Variants in ADCY7 observed in about 807,000 individuals in gnomAD.
ADCY7 encodes adenylate cyclase type 7.
Under a neutral mutation model 120.6 loss-of-function variants are expected in ADCY7, and 72 were observed. The observed-to-expected ratio is 0.60, with a 90% CI of 0.49 to 0.73. The LOEUF is 0.73. Ranked by LOEUF, ADCY7 falls within the 30% of genes least tolerant of loss-of-function variation. The probability of loss-of-function intolerance (pLI) is 0.00; values close to 1 mark genes in which losing one functional copy is unlikely to be tolerated. For missense variants in ADCY7, 1,227 were observed against 1,486.0 expected (o/e 0.83, Z 2.87); for synonymous variants, 661 against 628.0 (o/e 1.05, Z -0.78).
At chr16:50,290,317 G>A (rs2150957225) in intron 2 of ADCY7, 140 bp from the exon 3 acceptor site, 1 of 872,886 alleles carries the variant, frequency 1.1e-6, no homozygotes, top group East Asian at 2.7e-5. Context: ...AGGTGAGTGG[G>A]AACCAGGTGT....
At chr16:50,311,672 T>C in intron 19 of ADCY7, 21 bp from the exon 20 acceptor site, 4 of 1,579,952 alleles carry the variant, frequency 2.5e-6, no homozygotes, top group Non-Finnish European at 3.5e-6. Context: ...GGGAGTGACT[T>C]GGGCCTCCCT....
chr16:50,311,944 C>T (rs867203291), intron 20 of ADCY7, 92 bp from the exon 21 acceptor site: 74 of 1,561,522 alleles, frequency 4.7e-5, no homozygotes, highest in Middle Eastern at 1.7e-4. Context: ...GCTCCAAGGA[C>T]GCCAGGGACA....
rs61737938 is a variant in ADCY7 at position 50,315,415 on chromosome 16, T to C, written c.3153T>C (p.Arg1051=). ...LQGLGYSCEC[R]GLINVKGKGE... is the part of the protein sequence containing the mutation. ...GCCTCGGGTACTCTTGTGAATGCCG[T>C]GGCCTGATCAACGTCAAAGGCAAAG... The change falls in exon 26 of 26, where the codon CGT becomes CGC. Residue 1051 remains arginine (R), a synonymous_variant. Transcript: ENST00000673801. 3,415 of 1,614,156 alleles carry C rather than the reference T, an allele frequency of 2.1e-3. 76 individuals carry two copies. The African/African-American group carries it at 0.04, about 19-fold the overall frequency.
At position 50,318,077 on chromosome 16, in the gene ADCY7, T is replaced by TAA. The variant is rs1385358676; in HGVS notation, c.*2574_*2575dup. The TAA allele has an allele frequency of 6.6e-6, 1 of 152,338 alleles. No individual in the cohort carries two copies. Among genetic ancestry groups the TAA allele is most frequent in the Admixed American group, 6.5e-5 (1 of 15,286 alleles). 9.4% of individuals were successfully genotyped at this position (152,338 alleles called of 1,614,324 possible). Reference sequence around the variant, plus strand: ...GTTTCAAAATGCTGTTTCATTTTTATAAAGTACCAGTGTTTAGCTGCTTTT... The same window carrying TAA: ...GTTTCAAAATGCTGTTTCATTTTTATAAAAAGTACCAGTGTTTAGCTGCTTTT... On this transcript the variant is annotated 3_prime_UTR_variant, in exon 26 of 26. Coordinates refer to ENST00000673801, the MANE Select transcript of ADCY7 (RefSeq NM_001114.5).
At chr16:50,312,402 C>A (rs1050899574) in intron 21 of ADCY7, among the ~76,000 whole-genome samples, 1 of 152,214 alleles carries the variant, frequency 6.6e-6, no homozygotes, top group Non-Finnish European at 1.5e-5. Flanking sequence ...GTGAACAAGG[C>A]ACCTTGCTTT....
rs1477519018 is a variant in ADCY7, at chr16:50,300,820, G to A, written c.1182G>A (p.Val394=). 6.4e-7 allele frequency: 1 copy of A among 1,557,342 alleles called. No individual in the cohort carries two copies. ...GGCTGCGCAAGTGGCAGTATGACGT[G>A]TGGTCCCACGACGTGTCCCTGGCCA... The part of the protein sequence containing the change: ...VIGLRKWQYD[V]WSHDVSLANR... The change falls in exon 9 of 26, where the codon GTG becomes GTA. Residue 394 remains valine, a synonymous_variant. Coordinates refer to ENST00000673801, the MANE Select transcript of ADCY7 (RefSeq NM_001114.5).
rs769272101 is a variant in ADCY7 at position 50,309,610 on chromosome 16, G to A, written c.2124G>A (p.Ala708=). The A allele has an allele frequency of 3.0e-5, 48 of 1,612,586 alleles. No homozygotes were observed. The highest frequency in any genetic ancestry group is 7.7e-5 in the South Asian group (7 of 91,078). The change falls in exon 18 of 26, where the codon GCG becomes GCA. Residue 708 remains alanine (A), a synonymous_variant. Transcript: ENST00000673801. The part of the protein sequence containing the change: ...PVGNETGLLA[A]SSKTRALCEP... ...GCAATGAGACAGGCCTACTGGCCGC[G>A]AGCAGCAAGACAAGAGCCCTGTGTG...
chr16:50,312,770 C>G, intron 21 of ADCY7, 120 bp from the exon 22 acceptor site: 2 of 844,846 alleles, frequency 2.4e-6, no homozygotes, highest in Non-Finnish European at 3.5e-6. Flanking sequence ...CCGCCCCCCT[C>G]CCCACTCCCC....
chr16:50,264,985 T>C (rs2033159209), upstream of ADCY7, among the ~76,000 whole-genome samples: 1 of 151,972 alleles, frequency 6.6e-6, no homozygotes, highest in South Asian at 2.1e-4. Flanking sequence ...TACAGGCTCA[T>C]GCCACCACGC....
chr16:50,312,963 C>T lies in ADCY7; in HGVS notation c.2678C>T (p.Thr893Ile). ...ASVPDFKVFY[T>I]ECDVNKEGLE... ...GTGCCGGACTTCAAAGTGTTCTACA[C>T]AGAGTGCGATGTCAACAAAGAAGGG... Residue 893 changes from threonine to isoleucine, a missense_variant, in exon 22 of 26, where the codon ACA becomes ATA. Around this residue, in one of 5 missense-constraint regions of ADCY7, gnomAD observed 244 missense variants for 332.8 expected, o/e 0.73. Transcript: ENST00000673801. 9 of 1,614,246 alleles carry T rather than the reference C, an allele frequency of 5.6e-6. No homozygotes were observed. Among genetic ancestry groups the T allele is most frequent in the Non-Finnish European group, 7.6e-6 (9 of 1,180,048 alleles).
At chr16:50,310,465 T>C in intron 18 of ADCY7, 1 of 1,536,310 alleles carries the variant, frequency 6.5e-7, no homozygotes, top group Non-Finnish European at 8.7e-7. Context: ...ACCTGCATAC[T>C]GTTTTTTCCC....
intron 16 of ADCY7, 126 bp downstream of exon 16, chr16:50,308,537 C>T: frequency 6.4e-7 from 1 of 1,555,648 alleles, no homozygotes; most frequent in Non-Finnish European, 8.7e-7. Context: ...GCCCATCTCT[C>T]CTGCCTCGGG....
intron 7 of ADCY7, among the ~76,000 whole-genome samples, chr16:50,296,646 G>C (rs1360405977): frequency 6.6e-6 from 1 of 152,106 alleles, no homozygotes; most frequent in Non-Finnish European, 1.5e-5. Context: ...GTGAGCCACT[G>C]CGCCTGGCCA....
intron 2 of ADCY7, 62 bp from the exon 3 acceptor site, chr16:50,290,395 C>T: frequency 1.3e-6 from 2 of 1,590,520 alleles, no homozygotes; most frequent in Admixed American, 1.7e-5. Flanking sequence ...GGCAGGCTTT[C>T]TGGAGGAGGT....
chr16:50,314,940 T>C, intron 24 of ADCY7, 74 bp from the exon 25 acceptor site: 1 of 1,581,042 alleles, frequency 6.3e-7, no homozygotes, highest in Non-Finnish European at 8.6e-7. Context: ...GGGTATGGAT[T>C]CTCTGGCCTC....
At position 50,298,952 on chromosome 16, in the gene ADCY7, G is replaced by C. The variant is rs1326974275; in HGVS notation, c.997G>C (p.Val333Leu). 1 of 1,613,808 alleles carries C rather than the reference G, an allele frequency of 6.2e-7. No homozygotes were observed. Among genetic ancestry groups the C allele is most frequent in the Non-Finnish European group, 8.5e-7 (1 of 1,180,040 alleles). ...IKILGDCYYCVSGLPVSLPTH... is the reference protein window; with the variant it reads ...IKILGDCYYCLSGLPVSLPTH... ...GATCCTCGGCGACTGCTACTACTGT[G>C]TATCGGGCCTGCCCGTGTCGCTGCC... Residue 333 changes from valine to leucine, a missense_variant, in exon 8 of 26, where the codon GTA becomes CTA. By Grantham distance (32) the Val-to-Leu change is conservative (BLOSUM62 1). This residue lies in a region of ADCY7 where 332 missense variants were observed against 455.8 expected (regional missense o/e 0.73). Coordinates refer to ENST00000673801, the MANE Select transcript of ADCY7 (RefSeq NM_001114.5).
intron 1 of ADCY7, among the ~76,000 whole-genome samples, chr16:50,272,822 A>G (rs1442312179): frequency 1.3e-5 from 2 of 151,684 alleles, no homozygotes; most frequent in East Asian, 1.9e-4. Flanking sequence ...TGTCTCCGGT[A>G]CCCCCTCTGG....
At chr16:50,255,153 C>T (rs957478258) in intron 1 of ADCY7, among the ~76,000 whole-genome samples, 4 of 148,098 alleles carry the variant, frequency 2.7e-5, no homozygotes, top group African/African-American at 5.0e-5. Flanking sequence ...AAAAATTTGC[C>T]GAGTGTGGTG....
chr16:50,310,615 G>A (rs2036393914), intron 18 of ADCY7, 72 bp from the exon 19 acceptor site: 1 of 1,604,132 alleles, frequency 6.2e-7, no homozygotes, highest in Non-Finnish European at 8.5e-7. Flanking sequence ...GGGGCTCTGT[G>A]GTATGTGCTG....
Sources: allele counts gnomAD v4.1 joint callset (sites outside exome capture counted in the v4.1 genomes callset), GRCh38; gene constraint gnomAD v4.1.1; regional missense constraint gnomAD v4.1.1; transcripts MANE v1.5; gene names NCBI Gene and HGNC (gene_info 2026-07-23, HGNC 2026-07-21).